Variants in TBL1X observed in about 807,000 individuals in gnomAD.
TBL1X encodes the protein F-box-like/WD repeat-containing protein TBL1X.
Under a neutral mutation model 50.7 loss-of-function variants are expected in TBL1X, and 10 were observed. The observed-to-expected ratio is 0.20, with a 90% confidence interval of 0.12 to 0.33. TBL1X has a LOEUF of 0.33. TBL1X is among the 10% of genes least tolerant of loss of function. TBL1X has a pLI of 1.00. For missense variants in TBL1X, 340 were observed against 504.4 expected, an observed-to-expected ratio of 0.67 and a Z score of 3.12; for synonymous variants, 190 against 214.7, an observed-to-expected ratio of 0.88 and a Z score of 1.01.
intron 5 of TBL1X, among the ~76,000 whole-genome samples, chrX:9,665,958 T>C (rs959057480): frequency 1.8e-5 from 2 of 111,359 alleles, no homozygotes; most frequent in Admixed American, 1.9e-4. Context: ...TACTCAGCTC[T>C]TTGCACTTTT....
intron 2 of TBL1X, among the ~76,000 whole-genome samples, chrX:9,539,191 G>T (rs185935993): frequency 9.5e-4 from 106 of 112,165 alleles, no homozygotes; most frequent in Admixed American, 2.9e-3. Flanking sequence ...AGAGCTTCTT[G>T]TGACCTTTAT....
At chrX:9,707,669 C>T (rs1042679098) in intron 13 of TBL1X, among the ~76,000 whole-genome samples, 1 of 112,685 alleles carries the variant, frequency 8.9e-6, no homozygotes, top group African/African-American at 3.2e-5. Context: ...ATTCCTGGGC[C>T]CATGAGTTTT....
Position 9,598,221 on chromosome X carries a change from G to T in TBL1X, c.-130-42052G>T, listed in dbSNP as rs755954103. Among the ~76,000 whole-genome samples, 75 of 111,750 alleles carry T rather than the reference G, an allele frequency of 6.7e-4. 1 individual carries two copies. The highest frequency in any genetic ancestry group is 2.2e-3 in the African/African-American group (67 of 30,762). On this transcript the variant is annotated intron_variant, in intron 2 of 17. Transcript: ENST00000645353. ...GCACTCCAGAACCGTGAGAGAGTCAGTTTCTGTGAAGCCAATCAGCTTGTG... is the reference window on the plus strand; with the variant it reads ...GCACTCCAGAACCGTGAGAGAGTCATTTTCTGTGAAGCCAATCAGCTTGTG...
chrX:9,692,813 C>T (rs1350784166), intron 9 of TBL1X, among the ~76,000 whole-genome samples: 1 of 112,503 alleles, frequency 8.9e-6, no homozygotes, highest in Non-Finnish European at 1.9e-5. Flanking sequence ...CAAAATGAGC[C>T]TGTGGCCTCA....
chrX:9,584,431 C>T (rs1462144439), intron 2 of TBL1X, among the ~76,000 whole-genome samples: 1 of 112,004 alleles, frequency 8.9e-6, no homozygotes, highest in Non-Finnish European at 1.9e-5. Flanking sequence ...AGACAGATAC[C>T]TGATTGTGAG....
At chrX:9,699,177 C>T (rs1020290803) in intron 12 of TBL1X, among the ~76,000 whole-genome samples, 8 of 111,220 alleles carry the variant, frequency 7.2e-5, no homozygotes, top group African/African-American at 2.0e-4. Flanking sequence ...AACGGGGTTT[C>T]GCCATGTTGG....
chrX:9,469,743 G>A (rs2081800953), intron 1 of TBL1X, among the ~76,000 whole-genome samples: 1 of 112,014 alleles, frequency 8.9e-6, no homozygotes, highest in Non-Finnish European at 1.9e-5. Flanking sequence ...AGATGTTCAT[G>A]GCTCTGTCTC....
chrX:9,553,050 G>A (rs975278269), intron 2 of TBL1X, among the ~76,000 whole-genome samples: 1 of 111,697 alleles, frequency 9.0e-6, no homozygotes, highest in African/African-American at 3.3e-5. Context: ...TGCTGAGGTG[G>A]GAGGATTACT....
chrX:9,642,685 C>T (rs1228495783), intron 3 of TBL1X, among the ~76,000 whole-genome samples: 1 of 112,180 alleles, frequency 8.9e-6, no homozygotes, highest in Non-Finnish European at 1.9e-5. Flanking sequence ...GGACTGAGAG[C>T]AGGCTCAGCA....
At chrX:9,556,661 GA>G (rs367940114) in intron 2 of TBL1X, among the ~76,000 whole-genome samples, 141 of 101,682 alleles carry the variant, frequency 1.4e-3, no homozygotes, top group East Asian at 4.0e-3. Flanking sequence ...AAAGAAACTG[GA>G]AAAAAAAAAA....
chrX:9,467,651 T>C (rs1442986810), intron 1 of TBL1X, among the ~76,000 whole-genome samples: 1 of 111,381 alleles, frequency 9.0e-6, no homozygotes, highest in East Asian at 2.8e-4. Flanking sequence ...ATAAACTTTT[T>C]TCCCCCATAA....
intron 2 of TBL1X, among the ~76,000 whole-genome samples, chrX:9,638,629 C>T (rs1227615401): frequency 1.8e-5 from 2 of 111,709 alleles, no homozygotes; most frequent in Non-Finnish European, 3.8e-5. Flanking sequence ...TGTTTTGGAC[C>T]AAAGAATAGG....
intron 2 of TBL1X, among the ~76,000 whole-genome samples, chrX:9,565,560 G>A: frequency 9.0e-6 from 1 of 111,367 alleles, no homozygotes; most frequent in South Asian, 3.8e-4. Context: ...CAGGCATGGT[G>A]GCTTATGCCT....
At chrX:9,684,666 G>A (rs1057149302) in intron 6 of TBL1X, among the ~76,000 whole-genome samples, 1 of 107,255 alleles carries the variant, frequency 9.3e-6, no homozygotes, top group Non-Finnish European at 1.9e-5. Flanking sequence ...TGTTAATACC[G>A]GTTGTGTGGA....
chrX:9,656,989 C>T (rs940445592), intron 5 of TBL1X, among the ~76,000 whole-genome samples: 1 of 112,022 alleles, frequency 8.9e-6, no homozygotes, highest in Non-Finnish European at 1.9e-5. Flanking sequence ...TGTACTCTTA[C>T]TCCTGCACCC....
intron 2 of TBL1X, among the ~76,000 whole-genome samples, chrX:9,509,283 C>T (rs774622661): frequency 1.9e-4 from 18 of 93,161 alleles, no homozygotes; most frequent in Admixed American, 2.6e-4. Flanking sequence ...CCCAGCTACT[C>T]GGGAGGCTGA....
At chrX:9,476,295 A>G (rs1283957940) in intron 1 of TBL1X, among the ~76,000 whole-genome samples, 2 of 111,683 alleles carry the variant, frequency 1.8e-5, no homozygotes, top group African/African-American at 3.2e-5. Flanking sequence ...CCACAGCCCA[A>G]CCCCTTTAAG....
chrX:9,711,361 C>T (rs2083245728), intron 15 of TBL1X, among the ~76,000 whole-genome samples: 2 of 108,672 alleles, frequency 1.8e-5, no homozygotes, highest in Admixed American at 2.0e-4. Context: ...AAAAAAGGTG[C>T]AGAAACAAAT....
chrX:9,703,193 G>C (rs1367419734), intron 12 of TBL1X, among the ~76,000 whole-genome samples: 1 of 109,479 alleles, frequency 9.1e-6, no homozygotes, highest in Non-Finnish European at 1.9e-5. Context: ...AGAGGGTGGG[G>C]TTGCTCAGAA....
Sources: gnomAD v4.1 joint callset for allele counts (sites outside exome capture counted in the v4.1 genomes callset) on GRCh38, gnomAD v4.1.1 for gene constraint, MANE v1.5 for transcripts, NCBI Gene and HGNC (gene_info 2026-07-23, HGNC 2026-07-21) for gene names.